PCDHGA3: variants seen among roughly 807,000 people sequenced by gnomAD.
PCDHGA3 encodes the protein protocadherin gamma-A3.
Under a neutral mutation model 58.5 loss-of-function variants are expected in PCDHGA3, and 40 were observed. The ratio of observed to expected loss-of-function variants is 0.68; its 90% CI spans 0.53 to 0.89. The LOEUF is 0.89. PCDHGA3 is among the 40% of genes least tolerant of loss of function. PCDHGA3 has a pLI of 0.00. For synonymous variants in PCDHGA3, 530 were observed against 525.7 expected, an observed-to-expected ratio of 1.01 and a Z score of -0.11; for missense variants, 1,223 against 1,195.9, an observed-to-expected ratio of 1.02 and a Z score of -0.33.
intron 1 of PCDHGA3, chr5:141,355,245 G>A: frequency 6.2e-7 from 1 of 1,613,186 alleles, no homozygotes; most frequent in Non-Finnish European, 8.5e-7. Context: ...GGCTGCTCCA[G>A]ATCTGCCTTC....
intron 1 of PCDHGA3, chr5:141,355,810 G>C (rs756091940): frequency 6.2e-7 from 1 of 1,613,274 alleles, no homozygotes; most frequent in Non-Finnish European, 8.5e-7. Context: ...AGATCGCGAG[G>C]AAGAGGCGGT....
chr5:141,435,853 T>C (rs1034164236), intron 1 of PCDHGA3, among the ~76,000 whole-genome samples: 1 of 152,110 alleles, frequency 6.6e-6, no homozygotes, highest in African/African-American at 2.4e-5. Context: ...AAAGATACAA[T>C]AGTTAAAACC....
intron 1 of PCDHGA3, chr5:141,379,057 T>C (rs974258347): frequency 2.0e-5 from 3 of 152,238 alleles, no homozygotes; most frequent in African/African-American, 7.2e-5. Flanking sequence ...TAGAATGGAT[T>C]GGCCACTTGT....
At chr5:141,464,931 G>T (rs2099093694) in intron 1 of PCDHGA3, among the ~76,000 whole-genome samples, 1 of 151,942 alleles carries the variant, frequency 6.6e-6, no homozygotes, top group Non-Finnish European at 1.5e-5. Context: ...GTAGAGATGT[G>T]AGGTCTCACT....
chr5:141,494,801 C>T lies in PCDHGA3; in HGVS notation c.2425-6C>T, dbSNP rs2099757031. ...CTCAGCCCCTTTCCCTCTGTTTTCTCCACAGCAAGCCCCGCCCAACACGGA... is the reference window on the plus strand; with the variant it reads ...CTCAGCCCCTTTCCCTCTGTTTTCTTCACAGCAAGCCCCGCCCAACACGGA... On this transcript the variant is annotated splice_polypyrimidine_tract_variant and splice_region_variant and intron_variant, in intron 1 of 3. Transcript: ENST00000253812. The T allele has an allele frequency of 6.2e-7, 1 of 1,614,146 alleles. No individual in the cohort carries two copies. The highest frequency in any genetic ancestry group is 2.2e-5 in the East Asian group (1 of 44,880).
intron 1 of PCDHGA3, chr5:141,375,850 C>A (rs931838448): frequency 1.9e-6 from 3 of 1,614,070 alleles, no homozygotes; most frequent in East Asian, 2.2e-5. Context: ...ACCTGGTGAC[C>A]AAGGTGGTGG....
intron 3 of PCDHGA3, 44 bp downstream of exon 3, chr5:141,505,525 G>C: frequency 1.2e-6 from 2 of 1,612,490 alleles, no homozygotes; most frequent in Non-Finnish European, 1.7e-6. Flanking sequence ...GAGACCTGGG[G>C]TTCTGGGGTG....
intron 1 of PCDHGA3, among the ~76,000 whole-genome samples, chr5:141,438,655 T>C (rs1436221152): frequency 7.1e-6 from 1 of 140,042 alleles, no homozygotes; most frequent in Non-Finnish European, 1.5e-5. Flanking sequence ...CACACACATA[T>C]ATGTATATAT....
chr5:141,364,754 G>C, intron 1 of PCDHGA3: 1 of 1,613,988 alleles, frequency 6.2e-7, no homozygotes, highest in Non-Finnish European at 8.5e-7. Flanking sequence ...AAAAGTAAAA[G>C]TTAATGAAAA....
At chr5:141,436,738 G>T (rs1207400781) in intron 1 of PCDHGA3, among the ~76,000 whole-genome samples, 2 of 152,306 alleles carry the variant, frequency 1.3e-5, no homozygotes, top group South Asian at 2.1e-4. Context: ...AATGATTTTT[G>T]TGTGCTTCTC....
At chr5:141,383,189 C>A (rs1588938013) in intron 1 of PCDHGA3, 1 of 1,614,068 alleles carries the variant, frequency 6.2e-7, no homozygotes, top group Non-Finnish European at 8.5e-7. Context: ...GAGATCTGCG[C>A]TCAGAGTGCG....
At position 141,445,006 on chromosome 5, in the gene PCDHGA3, G is replaced by A. The variant is rs550056654; in HGVS notation, c.2425-49801G>A. Among the ~76,000 whole-genome samples, 51 of 152,044 alleles carry A rather than the reference G, an allele frequency of 3.4e-4. 2 individuals are homozygous for A. The South Asian group carries it at 9.6e-3, about 28-fold the overall frequency. ...CATGGTATATATTTCCATTTAATTA[G>A]GTCTTTAATTTCTCTCAGCTATGTT... On this transcript the variant is annotated intron_variant, in intron 1 of 3. Transcript: ENST00000253812.
intron 1 of PCDHGA3, chr5:141,360,302 T>C: frequency 8.1e-6 from 13 of 1,613,882 alleles, no homozygotes; most frequent in Non-Finnish European, 1.1e-5. Flanking sequence ...GATCTGGGGC[T>C]CAGCGTCCGG....
intron 1 of PCDHGA3, chr5:141,364,447 G>A: frequency 6.2e-7 from 1 of 1,613,954 alleles, no homozygotes; most frequent in Non-Finnish European, 8.5e-7. Context: ...CGGAGGAGCT[G>A]GACAAAGGCT....
At chr5:141,504,203 A>G (rs2099836487) in intron 2 of PCDHGA3, among the ~76,000 whole-genome samples, 1 of 152,248 alleles carries the variant, frequency 6.6e-6, no homozygotes, top group Non-Finnish European at 1.5e-5. Context: ...TCACTGTGGG[A>G]AAATTCCAAG....
At chr5:141,498,321 G>A (rs1477684617) in intron 2 of PCDHGA3, among the ~76,000 whole-genome samples, 2 of 151,722 alleles carry the variant, frequency 1.3e-5, no homozygotes, top group Non-Finnish European at 2.9e-5. Flanking sequence ...CTACACAGAA[G>A]GAAGAGCATT....
rs1421497518 is a variant in PCDHGA3 at position 141,431,979 on chromosome 5, A to G, written c.2425-62828A>G. ...GGAAATTACTATAGTTTAGTCACAGACATAGTCTTGGATAGGGAACAGGTT... is the reference window on the plus strand; with the variant it reads ...GGAAATTACTATAGTTTAGTCACAGGCATAGTCTTGGATAGGGAACAGGTT... On this transcript the variant is annotated intron_variant, in intron 1 of 3. Coordinates refer to ENST00000253812, the MANE Select transcript of PCDHGA3 (RefSeq NM_018916.4). This position sits in a 1 kb window ranked among gnomAD's most constrained non-coding sequence, Gnocchi z 4.8. 6.2e-7 allele frequency: 1 copy of G among 1,614,078 alleles called. No homozygotes were observed. The highest frequency in any genetic ancestry group is 1.3e-5 in the African/African-American group (1 of 74,932).
intron 1 of PCDHGA3, chr5:141,360,805 G>A: frequency 6.2e-7 from 1 of 1,613,924 alleles, no homozygotes; most frequent in Middle Eastern, 1.6e-4. Flanking sequence ...ACCTCAAAGT[G>A]GCACGACCCA....
intron 1 of PCDHGA3, among the ~76,000 whole-genome samples, chr5:141,460,104 T>C (rs2098982178): frequency 6.6e-6 from 1 of 151,986 alleles, no homozygotes; most frequent in African/African-American, 2.4e-5. Flanking sequence ...CATGTAATTA[T>C]ATATGATTTT....
Sources: gnomAD v4.1 joint callset for allele counts (sites outside exome capture counted in the v4.1 genomes callset) on GRCh38, gnomAD v4.1.1 for gene constraint, Gnocchi (gnomAD v3.1) non-coding constraint, MANE v1.5 for transcripts, NCBI Gene and HGNC (gene_info 2026-07-23, HGNC 2026-07-21) for gene names.